The following ACER3 variants were observed in gnomAD, a reference collection of about 807,000 sequenced individuals.
ACER3 encodes alkCDase 3.
A neutral mutation model predicts 48.9 loss-of-function variants in ACER3; 16 were observed. That is an observed-to-expected ratio of 0.33 (90% CI 0.22 to 0.50). ACER3 has a LOEUF of 0.50. Ranked by LOEUF, ACER3 falls within the 20% of genes least tolerant of loss-of-function variation. The pLI is 0.98. For missense variants in ACER3, 227 were observed against 326.0 expected (o/e 0.70, Z 2.34); for synonymous variants, 109 against 107.8 (o/e 1.01, Z -0.07).
chr11:76,982,039 G>A (rs1484202192), intron 4 of ACER3, among the ~76,000 whole-genome samples: 1 of 152,018 alleles, frequency 6.6e-6, no homozygotes, highest in African/African-American at 2.4e-5. Context: ...TACTTGCCAA[G>A]ACTTGGTATT....
At chr11:77,007,581 G>T (rs1216804229) in intron 7 of ACER3, among the ~76,000 whole-genome samples, 1 of 152,192 alleles carries the variant, frequency 6.6e-6, no homozygotes, top group African/African-American at 2.4e-5. Context: ...TGTGGCCATG[G>T]TATCTCTGGC....
intron 1 of ACER3, among the ~76,000 whole-genome samples, chr11:76,891,080 C>T (rs555465936): frequency 1.3e-5 from 2 of 151,428 alleles, no homozygotes; most frequent in Non-Finnish European, 2.9e-5. Context: ...GACTGCACCA[C>T]TGCACTCCAG....
intron 7 of ACER3, among the ~76,000 whole-genome samples, chr11:77,014,244 A>AT (rs1229270520): frequency 1.3e-5 from 2 of 152,174 alleles, no homozygotes; most frequent in African/African-American, 2.4e-5. Flanking sequence ...CCTCACAGGG[A>AT]TTTTTTTAAC....
At chr11:77,011,811 A>G (rs1949270234) in intron 7 of ACER3, among the ~76,000 whole-genome samples, 1 of 152,208 alleles carries the variant, frequency 6.6e-6, no homozygotes, top group Admixed American at 6.5e-5. Flanking sequence ...TTAAATATTA[A>G]AAGGAGAAAA....
chr11:76,959,918 C>A (rs1025516819), intron 3 of ACER3, among the ~76,000 whole-genome samples: 4 of 152,004 alleles, frequency 2.6e-5, no homozygotes, highest in Non-Finnish European at 4.4e-5. Context: ...CAGAGCTAGC[C>A]AAGGATTTTT....
chr11:76,867,484 A>G (rs1590854181), intron 1 of ACER3, among the ~76,000 whole-genome samples: 2 of 121,652 alleles, frequency 1.6e-5, no homozygotes, highest in East Asian at 2.5e-4. Flanking sequence ...AAAAAAAAAA[A>G]AAAAAAAAAA....
At chr11:76,894,018 C>T (rs918005551) in intron 1 of ACER3, among the ~76,000 whole-genome samples, 2 of 152,158 alleles carry the variant, frequency 1.3e-5, no homozygotes, top group East Asian at 1.9e-4. Flanking sequence ...CAGCCAGGCA[C>T]GGTGGCTCAT....
intron 6 of ACER3, among the ~76,000 whole-genome samples, chr11:76,992,738 CAA>C (rs1208244062): frequency 6.6e-6 from 1 of 152,174 alleles, no homozygotes; most frequent in African/African-American, 2.4e-5. Context: ...GGCAGCAAAG[CAA>C]AGACTTTATG....
At chr11:76,864,842 C>T (rs1590849486) in intron 1 of ACER3, among the ~76,000 whole-genome samples, 1 of 93,186 alleles carries the variant, frequency 1.1e-5, no homozygotes, top group Non-Finnish European at 3.3e-5. Flanking sequence ...TCAAGTGATC[C>T]ACCTGTTCAG....
At position 76,985,717 on chromosome 11, in the gene ACER3, TA is replaced by T; in HGVS notation, c.397del (p.Thr133ProfsTer7). The T allele has an allele frequency of 6.6e-7, 1 of 1,518,130 alleles. No homozygotes were observed. Among genetic ancestry groups the T allele is most frequent in the African/African-American group, 1.4e-5 (1 of 70,244 alleles). The allele number at this position is 1,518,130 out of a possible 1,614,324, so 94.0% of individuals were successfully genotyped here. ...ACCTTAGTTCTATTCAGTTTAATAG[TA>T]ACCACAGTAAGTCATATTTTGTTTC... The part of the protein sequence containing the change: ...LFTLVLFSLI[V>X]TTVYLKVKEP... On this transcript the variant is annotated frameshift_variant, in exon 5 of 11. Coordinates refer to ENST00000532485, the MANE Select transcript of ACER3 (RefSeq NM_018367.7). LOFTEE classifies it high-confidence loss of function.
chr11:76,929,158 C>T (rs1181065837), intron 2 of ACER3, among the ~76,000 whole-genome samples: 1 of 152,066 alleles, frequency 6.6e-6, no homozygotes, highest in Non-Finnish European at 1.5e-5. Context: ...TTGTAGTTCT[C>T]CTTGAAGACG....
intron 8 of ACER3, among the ~76,000 whole-genome samples, chr11:77,016,011 G>T (rs1243479762): frequency 2.0e-5 from 3 of 151,754 alleles, no homozygotes; most frequent in African/African-American, 7.3e-5. Flanking sequence ...GGAGGCTGAG[G>T]CAGGAGAATC....
At chr11:76,967,813 T>G (rs537619297) in intron 3 of ACER3, among the ~76,000 whole-genome samples, 5 of 152,306 alleles carry the variant, frequency 3.3e-5, no homozygotes, top group African/African-American at 9.6e-5. Context: ...GAGCTACTTA[T>G]GACAAACCCA....
At chr11:77,015,485 A>G (rs1465228564) in intron 8 of ACER3, among the ~76,000 whole-genome samples, 3 of 152,194 alleles carry the variant, frequency 2.0e-5, no homozygotes, top group African/African-American at 7.2e-5. Context: ...ACACTTTCAT[A>G]TGCTTAATGT....
chr11:77,026,165 T>G lies in ACER3; in HGVS notation c.*5838T>G, dbSNP rs1301172403. Reference sequence around the variant, plus strand: ...AGTTGCCCTCAGCTTTTGAGTTGACTTCCAGAAAGTTGAGATCTTTTGACC... The same window carrying G: ...AGTTGCCCTCAGCTTTTGAGTTGACGTCCAGAAAGTTGAGATCTTTTGACC... On this transcript the variant is annotated 3_prime_UTR_variant, in exon 11 of 11. Transcript: ENST00000532485. 2 of 152,236 alleles carry G rather than the reference T, an allele frequency of 1.3e-5. No homozygotes were observed. The highest frequency in any genetic ancestry group is 2.9e-5 in the Non-Finnish European group (2 of 68,044). 9.4% of individuals were successfully genotyped at this position (152,236 alleles called of 1,614,324 possible). A position where few individuals can be genotyped will look rare whatever the true frequency, so the allele number is the denominator to read the frequency against.
At chr11:76,866,837 T>C (rs1434625511) in intron 1 of ACER3, among the ~76,000 whole-genome samples, 1 of 152,186 alleles carries the variant, frequency 6.6e-6, no homozygotes, top group Admixed American at 6.5e-5. Context: ...CAAGACATAC[T>C]ATCTATACGA....
chr11:76,998,629 A>G (rs537472944), intron 6 of ACER3, 134 bp from the exon 7 acceptor site: 2 of 619,618 alleles, frequency 3.2e-6, no homozygotes, highest in Admixed American at 3.9e-5. Context: ...ATTTTTTAAC[A>G]TTCTATTCTT....
intron 1 of ACER3, among the ~76,000 whole-genome samples, chr11:76,895,403 C>A (rs1945903328): frequency 6.6e-6 from 1 of 152,098 alleles, no homozygotes; most frequent in South Asian, 2.1e-4. Context: ...CATATAAAGA[C>A]TTTGTATTTT....
At position 76,990,479 on chromosome 11, in the gene ACER3, C is replaced by A; in HGVS notation, c.403-60C>A. 3 of 1,177,106 alleles carry A rather than the reference C, an allele frequency of 2.5e-6. No homozygotes were observed. In the South Asian group the frequency reaches 3.7e-5, roughly 14 times the overall value. The allele number at this position is 1,177,106 out of a possible 1,614,324, so 72.9% of individuals were successfully genotyped here. A position where few individuals can be genotyped will look rare whatever the true frequency, so the allele number is the denominator to read the frequency against. On this transcript the variant is annotated intron_variant, in intron 5 of 10. Coordinates refer to ENST00000532485, the MANE Select transcript of ACER3 (RefSeq NM_018367.7). ...TTGGGATTTGCAGAGTAATTGGAGT[C>A]GGTTTTTCCCCCCTTCATAATGTAC... is the stretch of plus-strand genomic sequence containing the variant.
Sources: gnomAD v4.1 joint callset for allele counts (sites outside exome capture counted in the v4.1 genomes callset) on GRCh38, gnomAD v4.1.1 for gene constraint, MANE v1.5 for transcripts, NCBI Gene and HGNC (gene_info 2026-07-23, HGNC 2026-07-21) for gene names.